MTHFD1L: variants seen among roughly 807,000 people sequenced by gnomAD.
The protein encoded by MTHFD1L is monofunctional C1-tetrahydrofolate synthase, mitochondrial.
Under a neutral mutation model 119.5 loss-of-function variants are expected in MTHFD1L, and 81 were observed. The observed-to-expected ratio is 0.68, with a 90% CI of 0.57 to 0.82. The LOEUF (loss-of-function observed/expected upper bound fraction) is 0.82, where lower values mean the gene tolerates loss of function less well. MTHFD1L is among the 40% of genes least tolerant of loss of function. MTHFD1L has a pLI of 0.00. For synonymous variants in MTHFD1L, 430 were observed against 475.2 expected (o/e 0.90, Z 1.24); for missense variants, 1,125 against 1,253.4 (o/e 0.90, Z 1.55).
At chr6:151,096,030 C>G (rs1220426881) in intron 27 of MTHFD1L, among the ~76,000 whole-genome samples, 2 of 152,236 alleles carry the variant, frequency 1.3e-5, no homozygotes, top group Non-Finnish European at 2.9e-5. Flanking sequence ...TCTGTTGACT[C>G]TCAGTATTAC....
intron 26 of MTHFD1L, among the ~76,000 whole-genome samples, chr6:151,077,459 C>T (rs1042786147): frequency 1.3e-5 from 2 of 151,902 alleles, no homozygotes; most frequent in Admixed American, 1.3e-4. Flanking sequence ...CCTGGTCAAC[C>T]TGATGAAACC....
chr6:150,951,811 T>C (rs1794918390), intron 16 of MTHFD1L, among the ~76,000 whole-genome samples: 1 of 152,044 alleles, frequency 6.6e-6, no homozygotes, highest in Non-Finnish European at 1.5e-5. Context: ...TTTCAAAGCA[T>C]TTGTGATTTT....
intron 5 of MTHFD1L, among the ~76,000 whole-genome samples, chr6:150,885,196 TG>T (rs1445875876): frequency 7.9e-6 from 1 of 127,038 alleles, no homozygotes; most frequent in Non-Finnish European, 1.6e-5. Context: ...TCATTTTTTA[TG>T]GGTTTTTTTT....
Position 150,992,818 on chromosome 6 carries a change from T to C in MTHFD1L, c.2126-17001T>C, listed in dbSNP as rs115782970. 1.1e-4 allele frequency among the ~76,000 whole-genome samples: 16 copies of C among 152,262 alleles called. No homozygotes were observed. The East Asian group carries it at 3.1e-3, about 29-fold the overall frequency. ...GCAGTTGGTGACTGGGTGAACCACCTGACTTGAGCAGGGCTACGACTCTCT... is the reference window on the plus strand; with the variant it reads ...GCAGTTGGTGACTGGGTGAACCACCCGACTTGAGCAGGGCTACGACTCTCT... On this transcript the variant is annotated intron_variant, in intron 20 of 27. Coordinates refer to ENST00000367321, the MANE Select transcript of MTHFD1L (RefSeq NM_015440.5).
rs1335981841 is a variant in MTHFD1L at position 150,869,321 on chromosome 6, C to A, written c.227+3272C>A. Among the ~76,000 whole-genome samples, 7 of 152,186 alleles carry A rather than the reference C, an allele frequency of 4.6e-5. No homozygotes were observed. In the South Asian group the frequency reaches 1.2e-3, roughly 27 times the overall value. On this transcript the variant is annotated intron_variant, in intron 1 of 27. Coordinates refer to ENST00000367321, the MANE Select transcript of MTHFD1L (RefSeq NM_015440.5). ...AGGTATTTGTCCTAATGCTCTCCCT[C>A]CTCTTGCCCTCCCACCCCCTGACAG...
chr6:151,085,627 T>C (rs1393747618), intron 26 of MTHFD1L, among the ~76,000 whole-genome samples: 1 of 152,026 alleles, frequency 6.6e-6, no homozygotes, highest in Non-Finnish European at 1.5e-5. Context: ...AAAAATTACC[T>C]GGCCATGGTG....
intron 16 of MTHFD1L, among the ~76,000 whole-genome samples, chr6:150,954,231 GT>G (rs1461664705): frequency 6.6e-6 from 1 of 152,224 alleles, no homozygotes; most frequent in African/African-American, 2.4e-5. Flanking sequence ...TATACATTGA[GT>G]AAAGTGGATC....
At chr6:151,089,618 A>G (rs953625755) in intron 26 of MTHFD1L, among the ~76,000 whole-genome samples, 1 of 152,246 alleles carries the variant, frequency 6.6e-6, no homozygotes, top group Non-Finnish European at 1.5e-5. Flanking sequence ...AAAACCTCCT[A>G]TAAATGCCAT....
chr6:151,041,301 T>A (rs1416831349), intron 26 of MTHFD1L, among the ~76,000 whole-genome samples: 2 of 152,186 alleles, frequency 1.3e-5, no homozygotes, highest in African/African-American at 4.8e-5. Flanking sequence ...TTGACCCCAT[T>A]CTGGGCCTTG....
rs911253032 is a variant in MTHFD1L at position 151,101,539 on chromosome 6, A to T, written c.*45A>T. On this transcript the variant is annotated 3_prime_UTR_variant, in exon 28 of 28. Coordinates refer to ENST00000367321, the MANE Select transcript of MTHFD1L (RefSeq NM_015440.5). Reference sequence around the variant, plus strand: ...TCTATTTTTCAGACTCCTGAAACAGACTACTCTTTGCCTTTTTGCTGCAGT... The same window carrying T: ...TCTATTTTTCAGACTCCTGAAACAGTCTACTCTTTGCCTTTTTGCTGCAGT... 1 of 152,620 alleles carries T rather than the reference A, an allele frequency of 6.6e-6. No individual in the cohort carries two copies. The highest frequency in any genetic ancestry group is 2.4e-5 in the African/African-American group (1 of 41,452). The allele number at this position is 152,620 out of a possible 1,614,324, so 9.5% of individuals were successfully genotyped here.
intron 17 of MTHFD1L, among the ~76,000 whole-genome samples, chr6:150,958,632 G>A (rs1795985857): frequency 6.6e-6 from 1 of 152,016 alleles, no homozygotes; most frequent in Non-Finnish European, 1.5e-5. Context: ...TATCAGAATA[G>A]TTCATGCAAT....
At chr6:150,984,571 GAAA>G (rs77899794) in intron 20 of MTHFD1L, among the ~76,000 whole-genome samples, 1 of 109,286 alleles carries the variant, frequency 9.2e-6, no homozygotes, top group Non-Finnish European at 2.1e-5. Context: ...AAAAACAAGG[GAAA>G]AAAAAAAAAA....
In MTHFD1L at chr6:150,865,745, G is replaced by A; in HGVS notation, c.-78G>A. 4.3e-6 allele frequency: 5 copies of A among 1,164,526 alleles called. No individual in the cohort carries two copies. The highest frequency in any genetic ancestry group is 5.7e-5 in the East Asian group (1 of 17,442). 72.1% of individuals were successfully genotyped at this position (1,164,526 alleles called of 1,614,324 possible). On this transcript the variant is annotated 5_prime_UTR_variant, in exon 1 of 28. Transcript: ENST00000367321. ...TCCCGCCGCCGCCGCCGCCGCCGCC[G>A]CCTGCTCCCCTGGCACGCGCCCCGC...
chr6:150,952,136 C>T (rs955027625), intron 16 of MTHFD1L, among the ~76,000 whole-genome samples: 12 of 152,106 alleles, frequency 7.9e-5, no homozygotes, highest in African/African-American at 2.9e-4. Flanking sequence ...ATGGAAGTGA[C>T]AACTTTACAA....
At chr6:150,874,736 A>G (rs538485049) in intron 1 of MTHFD1L, among the ~76,000 whole-genome samples, 1 of 151,758 alleles carries the variant, frequency 6.6e-6, no homozygotes, top group African/African-American at 2.4e-5. Flanking sequence ...CTCATCCCAG[A>G]AGGTTCCATA....
chr6:151,065,802 C>T (rs1303131830), intron 26 of MTHFD1L, among the ~76,000 whole-genome samples: 4 of 152,352 alleles, frequency 2.6e-5, no homozygotes, highest in South Asian at 2.1e-4. Flanking sequence ...GCACCACATG[C>T]GGTGGCCGCC....
intron 20 of MTHFD1L, among the ~76,000 whole-genome samples, chr6:150,975,809 C>T (rs1776472521): frequency 2.0e-5 from 3 of 152,172 alleles, no homozygotes; most frequent in Admixed American, 1.3e-4. Flanking sequence ...GGCAGAAGCC[C>T]CCTGAGCAGT....
chr6:150,934,871 A>G, intron 11 of MTHFD1L: 2 of 1,429,704 alleles, frequency 1.4e-6, no homozygotes, highest in Non-Finnish European at 1.9e-6. Context: ...CAAACTCCAG[A>G]TCGGGAGCAG....
chr6:150,932,083 G>A (rs1187065151), intron 11 of MTHFD1L, among the ~76,000 whole-genome samples: 1 of 143,008 alleles, frequency 7.0e-6, no homozygotes. Flanking sequence ...AATTGCTTGA[G>A]CCCGGGAGGT....
Sources: gnomAD v4.1 joint callset for allele counts (sites outside exome capture counted in the v4.1 genomes callset) on GRCh38, gnomAD v4.1.1 for gene constraint, MANE v1.5 for transcripts, NCBI Gene and HGNC (gene_info 2026-07-23, HGNC 2026-07-21) for gene names.